The following ITGAD variants were observed in gnomAD, a reference collection of about 807,000 sequenced individuals.
ITGAD encodes the protein integrin subunit alpha D, also known as integrin alpha-D.
ITGAD carries 105 observed loss-of-function variants against 139.0 expected under a neutral mutation model. That is an observed-to-expected ratio of 0.76 (90% confidence interval 0.65 to 0.89). The LOEUF (loss-of-function observed/expected upper bound fraction) is 0.89. Among genes scored for constraint, ITGAD ranks in the 40% least tolerant of loss-of-function variants. The pLI is 0.00. For missense variants in ITGAD, 1,384 were observed against 1,487.3 expected, an observed-to-expected ratio of 0.93 and a Z score of 1.14; for synonymous variants, 569 against 598.3, an observed-to-expected ratio of 0.95 and a Z score of 0.71.
At chr16:31,425,927 C>A (rs910294724) in intron 29 of ITGAD, 88 bp from the exon 30 acceptor site, 3 of 811,376 alleles carry the variant, frequency 3.7e-6, no homozygotes, top group Non-Finnish European at 6.3e-6. Context: ...GTGATCCACC[C>A]TCCTCAGCTT....
chr16:31,403,661 C>A lies in ITGAD; in HGVS notation c.704+16C>A. On this transcript the variant is annotated intron_variant, in intron 7 of 29. Transcript: ENST00000389202. This position sits in a 1 kb window ranked among gnomAD's most constrained non-coding sequence, Gnocchi z 4.4. ...TGACAGTGGTGTAAGCAACCCCGAC[C>A]CCAGCCTGGCGATGTGACTGCCACC... 1.9e-6 allele frequency: 3 copies of A among 1,613,934 alleles called. No homozygotes were observed. The highest frequency in any genetic ancestry group is 2.5e-6 in the Non-Finnish European group (3 of 1,179,900).
chr16:31,408,873 C>A (rs895219276), intron 10 of ITGAD, among the ~76,000 whole-genome samples: 1 of 152,206 alleles, frequency 6.6e-6, no homozygotes, highest in African/African-American at 2.4e-5. Context: ...GGACCCAGGT[C>A]CTCGGCGGGA....
intron 4 of ITGAD, 41 bp downstream of exon 4, chr16:31,397,707 G>T: frequency 6.8e-7 from 1 of 1,475,206 alleles, no homozygotes. Context: ...GGGGTGGGGC[G>T]GGGGGTGTTG....
At chr16:31,419,533 G>A (rs920504954) in intron 23 of ITGAD, among the ~76,000 whole-genome samples, 1 of 152,080 alleles carries the variant, frequency 6.6e-6, no homozygotes, top group East Asian at 1.9e-4. Flanking sequence ...GCCTAAGGCC[G>A]GGCGCAGTGG....
intron 23 of ITGAD, among the ~76,000 whole-genome samples, 179 bp from the exon 24 acceptor site, chr16:31,422,935 C>T (rs1436456777): frequency 6.6e-6 from 1 of 152,132 alleles, no homozygotes; most frequent in Admixed American, 6.5e-5. Context: ...AAGAAACCCT[C>T]CTGCCCCAGC....
chr16:31,416,138 G>C lies in ITGAD; in HGVS notation c.2284-75G>C. Reference sequence around the variant, plus strand: ...AGTGGCTTAGTAATGCTCAATGTTGGAGAGTGCTTCTAAGGAGGGGCTTGG... The same window carrying C: ...AGTGGCTTAGTAATGCTCAATGTTGCAGAGTGCTTCTAAGGAGGGGCTTGG... On this transcript the variant is annotated intron_variant, in intron 18 of 29. Transcript: ENST00000389202. 4.1e-6 allele frequency: 5 copies of C among 1,230,104 alleles called. 1 individual carries two copies. In the South Asian group the frequency reaches 5.3e-5, roughly 13 times the overall value. 76.2% of individuals were successfully genotyped at this position (1,230,104 alleles called of 1,614,324 possible).
In ITGAD at chr16:31,423,095, C is replaced by T; in HGVS notation, c.2781-19C>T. On this transcript the variant is annotated intron_variant, in intron 23 of 29. Transcript: ENST00000389202. ...GGACAGTTTCAGGGCTGTTTTTCAC[C>T]CACAGGCTCTCTCTCCAGGCAGGAA... 2 of 1,609,724 alleles carry T rather than the reference C, an allele frequency of 1.2e-6. No individual in the cohort carries two copies. Among genetic ancestry groups the T allele is most frequent in the Non-Finnish European group, 1.7e-6 (2 of 1,175,974 alleles).
intron 2 of ITGAD, among the ~76,000 whole-genome samples, chr16:31,397,029 T>A (rs1426152022): frequency 6.6e-6 from 1 of 150,788 alleles, no homozygotes; most frequent in Non-Finnish European, 1.5e-5. Flanking sequence ...TGCTTACCCA[T>A]GATTGGGAAA....
chr16:31,422,178 G>A (rs1381916455), intron 23 of ITGAD, among the ~76,000 whole-genome samples: 1 of 151,640 alleles, frequency 6.6e-6, no homozygotes, highest in African/African-American at 2.4e-5. Context: ...GGGCTCAAGC[G>A]ATTCTTCTGC....
chr16:31,419,812 C>CAAAAA lies in ITGAD; in HGVS notation c.2780+1263_2780+1267dup, dbSNP rs1202333629. Among the ~76,000 whole-genome samples, 348 of 58,226 alleles carry CAAAAA rather than the reference C, an allele frequency of 6.0e-3. 7 individuals carry two copies. The highest frequency in any genetic ancestry group is 0.02 in the African/African-American group (338 of 17,306). The allele number at this position is 58,226 out of a possible 152,430, so 38.2% of individuals were successfully genotyped here. A position where few individuals can be genotyped will look rare whatever the true frequency, so the allele number is the denominator to read the frequency against. On this transcript the variant is annotated intron_variant, in intron 23 of 29. Transcript: ENST00000389202. The stretch of plus-strand genomic sequence containing the variant: ...GGGGTGACAGATTAAGGCTCTGTCT[C>CAAAAA]AAAAAAAAAAAAAAAAAAAGAAAAA...
chr16:31,397,255 A>G, intron 2 of ITGAD, 104 bp from the exon 3 acceptor site: 1 of 741,550 alleles, frequency 1.3e-6, no homozygotes, highest in Non-Finnish European at 2.3e-6. Context: ...AATTTCCCCC[A>G]CAGAGTCTCG....
At chr16:31,418,272 T>C in intron 21 of ITGAD, 29 bp from the exon 22 acceptor site, 2 of 1,610,488 alleles carry the variant, frequency 1.2e-6, no homozygotes, top group Non-Finnish European at 1.7e-6. Flanking sequence ...CTTCCTTTTA[T>C]CCCCATTCTT....
At position 31,397,809 on chromosome 16, in the gene ITGAD, C is replaced by T. The variant is rs1333786334; in HGVS notation, c.327C>T (p.Thr109=). The T allele has an allele frequency of 8.1e-6, 13 of 1,613,302 alleles. No homozygotes were observed. The highest frequency in any genetic ancestry group is 7.7e-5 in the South Asian group (7 of 91,058). The change falls in exon 5 of 30, where the codon ACC becomes ACT. Residue 109 remains threonine (T), a synonymous_variant. Coordinates refer to ENST00000389202, the MANE Select transcript of ITGAD (RefSeq NM_005353.3). ...NGSRLLACGP[T]LHRVCGENSY... Reference sequence around the variant, plus strand: ...TCTGCCTCCAGGCCTGTGGCCCGACCCTGCACAGAGTCTGTGGGGAGAACT... The same window carrying T: ...TCTGCCTCCAGGCCTGTGGCCCGACTCTGCACAGAGTCTGTGGGGAGAACT...
At chr16:31,417,995 C>T (rs1028642137) in intron 20 of ITGAD, 80 bp from the exon 21 acceptor site, 36 of 1,069,638 alleles carry the variant, frequency 3.4e-5, no homozygotes, top group Non-Finnish European at 5.0e-5. Context: ...TTCCCTAGTG[C>T]TCTGCAGTGC....
At chr16:31,393,994 G>T (rs2081201411) in intron 1 of ITGAD, among the ~76,000 whole-genome samples, 1 of 151,972 alleles carries the variant, frequency 6.6e-6, no homozygotes, top group Non-Finnish European at 1.5e-5. Flanking sequence ...AGCCGGGCAT[G>T]GTGGCGTGCA....
chr16:31,395,652 A>G (rs1351072835), intron 2 of ITGAD, among the ~76,000 whole-genome samples: 1 of 152,140 alleles, frequency 6.6e-6, no homozygotes, highest in Non-Finnish European at 1.5e-5. Flanking sequence ...ATTGGGACCC[A>G]CAAATTATGA....
Position 31,410,873 on chromosome 16 carries a change from A to T in ITGAD, c.1351A>T (p.Thr451Ser), listed in dbSNP as rs144609047. The change falls in exon 12 of 30, where the codon ACG becomes TCG. Residue 451 changes from threonine (T) to serine (S), a missense_variant. By Grantham distance (58) the Thr-to-Ser change is moderately conservative. Transcript: ENST00000389202. ...GAGGAAGAAGGCCGAAGTCACAGGG[A>T]CGCAGGTTGGGCGTGACAGGAGCCA... ...QWRKKAEVTG[T>S]QIGSYFGASL... 4.4e-5 allele frequency: 70 copies of T among 1,601,694 alleles called. No homozygotes were observed. In the African/African-American group the frequency reaches 7.4e-4, roughly 17 times the overall value.
Position 31,410,822 on chromosome 16 carries a change from A to C in ITGAD, c.1300A>C (p.Ile434Leu). The C allele has an allele frequency of 1.2e-6, 2 of 1,613,738 alleles. No homozygotes were observed. Among genetic ancestry groups the C allele is most frequent in the Non-Finnish European group, 1.7e-6 (2 of 1,179,916 alleles). Residue 434 changes from isoleucine to leucine, a missense_variant, in exon 12 of 30, where the codon ATC (isoleucine) becomes CTC (leucine). Physicochemically the swap from Ile to Leu is conservative, Grantham distance 5 (BLOSUM62 2). Coordinates refer to ENST00000389202, the MANE Select transcript of ITGAD (RefSeq NM_005353.3). ...CTACCAGCATACCGGGAAGGCTGTC[A>C]TCTTCACCCAGGTGTCCAGGCAATG... ...PRYQHTGKAVIFTQVSRQWRK... is the reference protein window; with the variant it reads ...PRYQHTGKAVLFTQVSRQWRK...
chr16:31,397,197 C>G (rs1307202768), intron 2 of ITGAD, among the ~76,000 whole-genome samples, 162 bp from the exon 3 acceptor site: 1 of 150,742 alleles, frequency 6.6e-6, no homozygotes, highest in African/African-American at 2.5e-5. Flanking sequence ...CTGTGAGTTA[C>G]ACTTGGGCCC....
Sources: allele counts gnomAD v4.1 joint callset (sites outside exome capture counted in the v4.1 genomes callset), GRCh38; gene constraint gnomAD v4.1.1; non-coding constraint Gnocchi (gnomAD v3.1); transcripts MANE v1.5; gene names NCBI Gene and HGNC (gene_info 2026-07-23, HGNC 2026-07-21).